Variants in CALD1 observed in about 807,000 individuals in gnomAD.
CALD1 encodes caldesmon 1.
In CALD1, 33 loss-of-function variants were observed where a neutral mutation model predicts 99.9. That is an observed-to-expected ratio of 0.33 (90% CI 0.25 to 0.44). CALD1 has a LOEUF of 0.44. Ranked by LOEUF, CALD1 falls within the 20% of genes least tolerant of loss-of-function variation. The probability of loss-of-function intolerance (pLI) is 1.00; values close to 1 mark genes in which losing one functional copy is unlikely to be tolerated. For synonymous variants in CALD1, 310 were observed against 325.0 expected, an observed-to-expected ratio of 0.95 and a Z score of 0.50; for missense variants, 861 against 962.1, an observed-to-expected ratio of 0.89 and a Z score of 1.39.
intron 3 of CALD1, among the ~76,000 whole-genome samples, chr7:134,887,709 T>TATGC (rs530499803): frequency 1.2e-3 from 181 of 151,582 alleles, no homozygotes; most frequent in African/African-American, 4.3e-3. Flanking sequence ...CATGTGTGCA[T>TATGC]ATGCATGCAT....
intron 1 of CALD1, among the ~76,000 whole-genome samples, chr7:134,767,701 C>T (rs1796839730): frequency 6.6e-6 from 1 of 152,208 alleles, no homozygotes; most frequent in African/African-American, 2.4e-5. Flanking sequence ...CACGTGCAGA[C>T]GTGCAGAGCC....
At position 134,912,137 on chromosome 7, in the gene CALD1, T is replaced by C. The variant is rs1198770185; in HGVS notation, c.72-16617T>C. Among the ~76,000 whole-genome samples, 3 of 152,214 alleles carry C rather than the reference T, an allele frequency of 2.0e-5. No individual in the cohort carries two copies. The East Asian group carries it at 5.8e-4, about 29-fold the overall frequency. ...AAGCTTTACTGATGTTCGTTATGCT[T>C]TCTGGCACGAGCACCTCCCCTCAAT... is the stretch of plus-strand genomic sequence containing the variant. On this transcript the variant is annotated intron_variant, in intron 3 of 14. Coordinates refer to ENST00000361675, the MANE Select transcript of CALD1 (RefSeq NM_033138.4).
At chr7:134,936,974 T>A (rs537139564) in intron 6 of CALD1, among the ~76,000 whole-genome samples, 1 of 152,344 alleles carries the variant, frequency 6.6e-6, no homozygotes, top group African/African-American at 2.4e-5. Context: ...ACCAAATACC[T>A]ACAAATTCAT....
At chr7:134,733,795 C>T in the CALD1 span, among the ~76,000 whole-genome samples, 283 of 141,612 alleles carry the variant, frequency 2.0e-3, 1 homozygote, top group African/African-American at 6.9e-3. Context: ...GGTGACTGAG[C>T]GAGACTCTGT....
rs1805715758 is a variant in CALD1, at chr7:134,933,630, G to T, written c.861G>T (p.Lys287Asn). ...RERIKAEQDKKIADERARIEA... is the reference protein window; with the variant it reads ...RERIKAEQDKNIADERARIEA... ...GAATTAAAGCCGAGCAAGACAAAAAGATAGCAGATGAACGAGCAAGAATTG... is the reference window on the plus strand; with the variant it reads ...GAATTAAAGCCGAGCAAGACAAAAATATAGCAGATGAACGAGCAAGAATTG... Residue 287 changes from lysine (K) to asparagine (N), a missense_variant, in exon 5 of 15, where the codon AAG (lysine) becomes AAT (asparagine). By Grantham distance (94) the Lys-to-Asn change is moderately conservative (BLOSUM62 0). Around this residue, in one of 5 missense-constraint regions of CALD1, gnomAD observed 234 missense variants for 233.1 expected, o/e 1.00. Coordinates refer to ENST00000361675, the MANE Select transcript of CALD1 (RefSeq NM_033138.4). 2 of 1,610,916 alleles carry T rather than the reference G, an allele frequency of 1.2e-6. No individual in the cohort carries two copies. The highest frequency in any genetic ancestry group is 8.5e-7 in the Non-Finnish European group (1 of 1,178,496).
At chr7:134,711,660 C>CTCTATATATATATA in the CALD1 span, among the ~76,000 whole-genome samples, 1 of 78,350 alleles carries the variant, frequency 1.3e-5, no homozygotes, top group African/African-American at 6.2e-5. Flanking sequence ...CTCTCTCTCT[C>CTCTATATATATATA]TATATATATA....
chr7:134,906,795 C>A (rs1329135286), intron 3 of CALD1, among the ~76,000 whole-genome samples: 1 of 152,132 alleles, frequency 6.6e-6, no homozygotes, highest in African/African-American at 2.4e-5. Context: ...CTCCTATAGT[C>A]TCCTAGCAGC....
the CALD1 span, among the ~76,000 whole-genome samples, chr7:134,730,458 C>G: frequency 6.6e-6 from 1 of 152,154 alleles, no homozygotes; most frequent in Non-Finnish European, 1.5e-5. Flanking sequence ...CTCACAAGAG[C>G]ATTAGGAACT....
intron 13 of CALD1, among the ~76,000 whole-genome samples, chr7:134,963,924 C>T (rs949162105): frequency 2.6e-5 from 4 of 152,154 alleles, no homozygotes; most frequent in Admixed American, 2.0e-4. Context: ...TGTGGCTGGG[C>T]GCGGTGGCTC....
At chr7:134,941,060 T>G in intron 6 of CALD1, 32 bp from the exon 7 acceptor site, 1 of 1,559,608 alleles carries the variant, frequency 6.4e-7, no homozygotes, top group Non-Finnish European at 8.6e-7. Flanking sequence ...TTTTTCTTGT[T>G]CTGTTTCTTC....
chr7:134,738,160 T>G, the CALD1 span, among the ~76,000 whole-genome samples: 3 of 152,164 alleles, frequency 2.0e-5, no homozygotes, highest in African/African-American at 7.2e-5. Context: ...TTATCTCCTG[T>G]GGTCATTAAA....
At chr7:134,890,521 G>A (rs983241805) in intron 3 of CALD1, among the ~76,000 whole-genome samples, 1 of 151,906 alleles carries the variant, frequency 6.6e-6, no homozygotes, top group Non-Finnish European at 1.5e-5. Context: ...TGTGGAGATC[G>A]GATTTGTTCT....
intron 2 of CALD1, among the ~76,000 whole-genome samples, chr7:134,865,419 C>G (rs796132125): frequency 6.6e-6 from 1 of 151,974 alleles, no homozygotes. Flanking sequence ...TTCCTCTAAG[C>G]TACACCCACT....
chr7:134,724,424 A>C, the CALD1 span, among the ~76,000 whole-genome samples: 1 of 152,188 alleles, frequency 6.6e-6, no homozygotes, highest in African/African-American at 2.4e-5. Context: ...TGTAGCTCAG[A>C]AAGATATAAG....
At chr7:134,907,258 A>T (rs1803456951) in intron 3 of CALD1, among the ~76,000 whole-genome samples, 1 of 152,142 alleles carries the variant, frequency 6.6e-6, no homozygotes, top group South Asian at 2.1e-4. Flanking sequence ...CTGATATCAT[A>T]GAAAATAAAA....
At chr7:134,715,596 A>G in the CALD1 span, among the ~76,000 whole-genome samples, 1 of 152,232 alleles carries the variant, frequency 6.6e-6, no homozygotes, top group Non-Finnish European at 1.5e-5. Context: ...GTTTTAATGA[A>G]TTAAACTTTC....
At chr7:134,897,458 T>C (rs1244952873) in intron 3 of CALD1, among the ~76,000 whole-genome samples, 3 of 151,362 alleles carry the variant, frequency 2.0e-5, no homozygotes, top group African/African-American at 7.3e-5. Flanking sequence ...TACAAAGTCA[T>C]CTGATATTTT....
chr7:134,954,560 A>T (rs1807621199), intron 9 of CALD1, among the ~76,000 whole-genome samples: 1 of 152,208 alleles, frequency 6.6e-6, no homozygotes, highest in African/African-American at 2.4e-5. Flanking sequence ...TGCGAAATGC[A>T]ATGATGAAGT....
chr7:134,716,761 T>G, the CALD1 span, among the ~76,000 whole-genome samples: 1 of 152,198 alleles, frequency 6.6e-6, no homozygotes, highest in African/African-American at 2.4e-5. Flanking sequence ...TTGCAAATTA[T>G]CAGTTTTATT....
Sources: allele counts gnomAD v4.1 joint callset (sites outside exome capture counted in the v4.1 genomes callset), GRCh38; gene constraint gnomAD v4.1.1; regional missense constraint gnomAD v4.1.1; transcripts MANE v1.5; gene names NCBI Gene and HGNC (gene_info 2026-07-23, HGNC 2026-07-21).